Variants in BTBD10 observed in about 807,000 individuals in gnomAD.
The protein encoded by BTBD10 is BTB/POZ domain-containing protein 10.
Under a neutral mutation model 53.2 loss-of-function variants are expected in BTBD10, and 21 were observed. That is an observed-to-expected ratio of 0.39 (90% confidence interval 0.28 to 0.57). The LOEUF (loss-of-function observed/expected upper bound fraction) is 0.57. Ranked by LOEUF, BTBD10 falls within the 20% of genes least tolerant of loss-of-function variation. BTBD10 has a pLI of 0.53. For synonymous variants in BTBD10, 149 were observed against 192.7 expected (o/e 0.77, Z 1.88); for missense variants, 360 against 594.7 (o/e 0.61, Z 4.10).
intron 8 of BTBD10, among the ~76,000 whole-genome samples, chr11:13,398,190 G>C (rs1427854052): frequency 6.6e-6 from 1 of 152,048 alleles, no homozygotes; most frequent in Non-Finnish European, 1.5e-5. Flanking sequence ...TCTCTTTGTA[G>C]GTCACTCAGG....
At chr11:13,430,817 T>TA in intron 2 of BTBD10, among the ~76,000 whole-genome samples, 1 of 152,054 alleles carries the variant, frequency 6.6e-6, no homozygotes, top group East Asian at 1.9e-4. Context: ...CTAGGAAACA[T>TA]AGAGTACTGT....
chr11:13,431,130 C>T (rs994738141), intron 2 of BTBD10, among the ~76,000 whole-genome samples: 9 of 151,966 alleles, frequency 5.9e-5, no homozygotes, highest in Non-Finnish European at 1.0e-4. Context: ...AAAAGTCATG[C>T]CTTTCTTCTT....
At chr11:13,441,834 T>C (rs550878811) in intron 2 of BTBD10, among the ~76,000 whole-genome samples, 2 of 152,304 alleles carry the variant, frequency 1.3e-5, no homozygotes, top group South Asian at 2.1e-4. Flanking sequence ...AAGGTGACAA[T>C]GTGCCCAATT....
At chr11:13,455,935 A>C (rs956641022) in intron 1 of BTBD10, among the ~76,000 whole-genome samples, 3 of 152,130 alleles carry the variant, frequency 2.0e-5, no homozygotes, top group African/African-American at 7.2e-5. Context: ...AGGCTAGTAA[A>C]GGCTCTATTA....
At chr11:13,433,780 C>T (rs6486124) in intron 2 of BTBD10, among the ~76,000 whole-genome samples, 23,926 of 148,372 alleles carry the variant, frequency 0.16, 2,081 homozygotes, top group Admixed American at 0.24. Flanking sequence ...TATTCACTAT[C>T]CAGCCCTATA....
chr11:13,446,686 C>T (rs1419679462), intron 1 of BTBD10, among the ~76,000 whole-genome samples: 2 of 152,044 alleles, frequency 1.3e-5, no homozygotes, highest in African/African-American at 4.8e-5. Context: ...AGCCTATTTC[C>T]TATTTGTTAT....
At chr11:13,432,167 G>C (rs1015999360) in intron 2 of BTBD10, among the ~76,000 whole-genome samples, 1 of 151,982 alleles carries the variant, frequency 6.6e-6, no homozygotes. Context: ...AAACTTACAG[G>C]GATACAGAAC....
At chr11:13,450,702 T>C (rs1055535460) in intron 1 of BTBD10, among the ~76,000 whole-genome samples, 1 of 152,088 alleles carries the variant, frequency 6.6e-6, no homozygotes, top group Non-Finnish European at 1.5e-5. Context: ...CAGATAATAA[T>C]GTAGGACAAA....
At chr11:13,411,560 GGATAAT>G (rs1949945038) in intron 6 of BTBD10, among the ~76,000 whole-genome samples, 1 of 151,754 alleles carries the variant, frequency 6.6e-6, no homozygotes, top group East Asian at 1.9e-4. Flanking sequence ...TAAAAGTCTA[GGATAAT>G]CATGTTACAC....
chr11:13,415,427 C>G (rs1013098889), intron 5 of BTBD10, among the ~76,000 whole-genome samples: 1 of 152,158 alleles, frequency 6.6e-6, no homozygotes, highest in Non-Finnish European at 1.5e-5. Context: ...TATCTACAGG[C>G]ACAACTGAAG....
At chr11:13,419,001 T>A (rs1037213793) in intron 4 of BTBD10, among the ~76,000 whole-genome samples, 1 of 145,676 alleles carries the variant, frequency 6.9e-6, no homozygotes, top group Non-Finnish European at 1.5e-5. Flanking sequence ...TAAAAGTATC[T>A]ACATCGAACT....
At chr11:13,426,845 A>C (rs775170917) in intron 2 of BTBD10, among the ~76,000 whole-genome samples, 1 of 152,212 alleles carries the variant, frequency 6.6e-6, no homozygotes, top group Non-Finnish European at 1.5e-5. Flanking sequence ...ACAAACGGAA[A>C]ATAAATAACA....
intron 1 of BTBD10, among the ~76,000 whole-genome samples, chr11:13,455,273 C>T (rs551605294): frequency 1.3e-5 from 2 of 152,332 alleles, no homozygotes; most frequent in South Asian, 4.1e-4. Flanking sequence ...CCAAAGTCAG[C>T]TCAGTCAACC....
chr11:13,395,005 G>A (rs1449376214), intron 8 of BTBD10, among the ~76,000 whole-genome samples: 4 of 150,986 alleles, frequency 2.6e-5, no homozygotes, highest in South Asian at 2.1e-4. Context: ...ATAAACATAC[G>A]TGTGCATGTG....
intron 2 of BTBD10, among the ~76,000 whole-genome samples, chr11:13,426,464 A>G (rs11022820): frequency 0.15 from 22,800 of 152,046 alleles, 1,971 homozygotes; most frequent in Admixed American, 0.24. Context: ...TGCATGGAAG[A>G]ATATAATTTT....
At chr11:13,429,954 A>C (rs1321305410) in intron 2 of BTBD10, among the ~76,000 whole-genome samples, 1 of 152,028 alleles carries the variant, frequency 6.6e-6, no homozygotes, top group African/African-American at 2.4e-5. Context: ...AATTTTTTAA[A>C]AATTAGCCAG....
chr11:13,417,303 C>A, intron 4 of BTBD10, 43 bp from the exon 5 acceptor site: 1 of 1,360,922 alleles, frequency 7.3e-7, no homozygotes, highest in South Asian at 1.4e-5. Flanking sequence ...TAGAATACTT[C>A]CTTCAAAAGG....
chr11:13,449,010 C>T (rs1950799386), intron 1 of BTBD10, among the ~76,000 whole-genome samples: 1 of 152,108 alleles, frequency 6.6e-6, no homozygotes, highest in South Asian at 2.1e-4. Flanking sequence ...GCTGGAACCA[C>T]TGGGCCTGTT....
chr11:13,423,340 A>G (rs1405202470), intron 2 of BTBD10, among the ~76,000 whole-genome samples: 1 of 152,168 alleles, frequency 6.6e-6, no homozygotes, highest in Non-Finnish European at 1.5e-5. Flanking sequence ...TATTCTGGAA[A>G]CTTAGGTTTC....
Sources: gnomAD v4.1 joint callset for allele counts (sites outside exome capture counted in the v4.1 genomes callset) on GRCh38, gnomAD v4.1.1 for gene constraint, MANE v1.5 for transcripts, NCBI Gene and HGNC (gene_info 2026-07-23, HGNC 2026-07-21) for gene names.